Variants in ALG9 observed in about 807,000 individuals in gnomAD.
ALG9 encodes the protein ALG9 alpha-1,2-mannosyltransferase.
ALG9 carries 55 observed loss-of-function variants against 81.8 expected under a neutral mutation model. The ratio of observed to expected loss-of-function variants is 0.67; its 90% CI spans 0.54 to 0.84. The LOEUF (loss-of-function observed/expected upper bound fraction) is 0.84, where lower values mean the gene tolerates loss of function less well. Among genes scored for constraint, ALG9 ranks in the 40% least tolerant of loss-of-function variants. The pLI is 0.00. For synonymous variants in ALG9, 278 were observed against 274.3 expected (o/e 1.01, Z -0.13); for missense variants, 629 against 745.0 (o/e 0.84, Z 1.81).
intron 13 of ALG9, among the ~76,000 whole-genome samples, chr11:111,830,494 C>A (rs1954159879): frequency 6.6e-6 from 1 of 152,218 alleles, no homozygotes; most frequent in South Asian, 2.1e-4. Context: ...ATGGAAACAT[C>A]AATTAATTTC....
intron 14 of ALG9, among the ~76,000 whole-genome samples, chr11:111,802,051 T>C (rs1949203750): frequency 6.6e-6 from 1 of 152,160 alleles, no homozygotes; most frequent in African/African-American, 2.4e-5. Flanking sequence ...TCTGGCAATG[T>C]CTTGAACACC....
intron 8 of ALG9, among the ~76,000 whole-genome samples, chr11:111,848,668 T>C (rs1957294764): frequency 6.6e-6 from 1 of 152,008 alleles, no homozygotes; most frequent in Non-Finnish European, 1.5e-5. Flanking sequence ...AATGGAGTGA[T>C]TGAAATCATC....
At chr11:111,857,562 T>C in intron 6 of ALG9, 40 bp downstream of exon 6, 1 of 1,613,488 alleles carries the variant, frequency 6.2e-7, no homozygotes, top group Non-Finnish European at 8.5e-7. Context: ...ATTTACTATA[T>C]GCCCAGCGAT....
chr11:111,854,421 A>T (rs557023175), intron 6 of ALG9, among the ~76,000 whole-genome samples: 1 of 151,962 alleles, frequency 6.6e-6, no homozygotes, highest in African/African-American at 2.4e-5. Flanking sequence ...GGTGTGCACC[A>T]CCACACCCCG....
At position 111,809,635 on chromosome 11, in the gene ALG9, C is replaced by G. The variant is rs781973296; in HGVS notation, c.1733+8G>C. 5 of 1,613,842 alleles carry G rather than the reference C, an allele frequency of 3.1e-6. No individual in the cohort carries two copies. The highest frequency in any genetic ancestry group is 4.2e-6 in the Non-Finnish European group (5 of 1,179,848). ...CCTGGAATATCCCATAGGATTAAAG[C>G]CACATACCTAGAAGCATCAAGGAAT... On this transcript the variant is annotated splice_region_variant and intron_variant, in intron 14 of 14. Coordinates refer to ENST00000616540, the MANE Select transcript of ALG9 (RefSeq NM_024740.2).
intron 13 of ALG9, among the ~76,000 whole-genome samples, chr11:111,835,416 G>A (rs1175579793): frequency 6.6e-6 from 1 of 152,202 alleles, no homozygotes; most frequent in Admixed American, 6.5e-5. Context: ...GACAAGTAGG[G>A]AGAAGATCAT....
In ALG9 at chr11:111,784,453, C is replaced by T. The variant is rs553100335; in HGVS notation, c.*1944G>A. On this transcript the variant is annotated 3_prime_UTR_variant, in exon 15 of 15. Coordinates refer to ENST00000616540, the MANE Select transcript of ALG9 (RefSeq NM_024740.2). ...AAAGATGGGGCTGGGTGCGGTGGCT[C>T]ACGCCTGTAATACCAGCACTTTGGG... 4.6e-5 allele frequency: 7 copies of T among 152,386 alleles called. No individual in the cohort carries two copies. The highest frequency in any genetic ancestry group is 1.9e-4 in the East Asian group (1 of 5,184). 9.4% of individuals were successfully genotyped at this position (152,386 alleles called of 1,614,324 possible).
intron 14 of ALG9, among the ~76,000 whole-genome samples, chr11:111,803,707 TA>T (rs782280629): frequency 6.6e-6 from 1 of 151,838 alleles, no homozygotes; most frequent in Admixed American, 6.6e-5. Flanking sequence ...GGCAACACAA[TA>T]AAAAACAGTC....
In ALG9 at chr11:111,821,781, G is replaced by A. The variant is rs190770793; in HGVS notation, c.1603-12008C>T. On this transcript the variant is annotated intron_variant, in intron 13 of 14. Transcript: ENST00000616540. ...CTCCTGAGTAGCTGGGACTACAGGC[G>A]CCTGTCACCACGCCCAGCTAATTTT... 6.5e-3 allele frequency among the ~76,000 whole-genome samples: 982 copies of A among 152,086 alleles called. 11 individuals are homozygous for A. The highest frequency in any genetic ancestry group is 0.022 in the African/African-American group (916 of 41,494).
intron 14 of ALG9, among the ~76,000 whole-genome samples, chr11:111,807,913 C>T (rs1381115325): frequency 2.6e-5 from 4 of 152,046 alleles, no homozygotes; most frequent in South Asian, 2.1e-4. Context: ...GGCAAAACCA[C>T]GTCTCTACAA....
chr11:111,823,813 T>C (rs1952811826), intron 13 of ALG9, among the ~76,000 whole-genome samples: 1 of 152,224 alleles, frequency 6.6e-6, no homozygotes, highest in African/African-American at 2.4e-5. Flanking sequence ...CTGTTCACAT[T>C]CCACATCACC....
At chr11:111,868,522 A>T in intron 3 of ALG9, 80 bp downstream of exon 3, 1 of 1,521,040 alleles carries the variant, frequency 6.6e-7, no homozygotes, top group Non-Finnish European at 8.9e-7. Context: ...CTTCCAATTC[A>T]TTTTGTCCTT....
chr11:111,862,243 T>C (rs1266494070), intron 4 of ALG9, among the ~76,000 whole-genome samples: 2 of 150,078 alleles, frequency 1.3e-5, no homozygotes, highest in African/African-American at 2.5e-5. Flanking sequence ...TTTTTTCTTT[T>C]TTTTTTTTTT....
chr11:111,777,693 C>T (rs116934362), downstream of ALG9, among the ~76,000 whole-genome samples: 1,235 of 151,728 alleles, frequency 8.1e-3, 8 homozygotes, highest in Middle Eastern at 0.055. Context: ...TTAAAGAATC[C>T]ATAACATTCT....
chr11:111,777,091 TG>T, the ALG9 span, among the ~76,000 whole-genome samples: 1 of 152,222 alleles, frequency 6.6e-6, no homozygotes, highest in Non-Finnish European at 1.5e-5. Context: ...TTTGGAACCC[TG>T]AAAATGGGCA....
At chr11:111,798,202 TA>T in intron 14 of ALG9, 3 of 321,116 alleles carry the variant, frequency 9.3e-6, no homozygotes, top group Non-Finnish European at 6.1e-6. Flanking sequence ...GACCCTGTCT[TA>T]AAAAGAAAAA....
intron 14 of ALG9, among the ~76,000 whole-genome samples, chr11:111,796,571 C>T (rs1948318004): frequency 6.6e-6 from 1 of 152,146 alleles, no homozygotes; most frequent in Admixed American, 6.5e-5. Flanking sequence ...GATTAAGCAG[C>T]TGAATAATGG....
intron 13 of ALG9, among the ~76,000 whole-genome samples, chr11:111,825,933 A>T (rs1308543883): frequency 1.3e-5 from 2 of 151,726 alleles, no homozygotes; most frequent in Non-Finnish European, 2.9e-5. Context: ...ATGGCGGCGC[A>T]TGCCTTCATG....
intron 4 of ALG9, among the ~76,000 whole-genome samples, chr11:111,863,536 A>C (rs1053534011): frequency 1.3e-5 from 2 of 152,148 alleles, no homozygotes; most frequent in African/African-American, 4.8e-5. Context: ...TCAAGGCCAA[A>C]CATTTTTTAA....
Sources: allele counts gnomAD v4.1 joint callset (sites outside exome capture counted in the v4.1 genomes callset), GRCh38; gene constraint gnomAD v4.1.1; transcripts MANE v1.5; gene names NCBI Gene and HGNC (gene_info 2026-07-23, HGNC 2026-07-21).